The following CCT2 variants were observed in gnomAD, a reference collection of about 807,000 sequenced individuals.
CCT2 encodes chaperonin containing TCP1 subunit 2.
CCT2 carries 18 observed loss-of-function variants against 61.8 expected under a neutral mutation model. That is an observed-to-expected ratio of 0.29 (90% confidence interval 0.20 to 0.43). CCT2 has a LOEUF of 0.43. Ranked by LOEUF, CCT2 falls within the 20% of genes least tolerant of loss-of-function variation. The probability of loss-of-function intolerance (pLI) is 1.00; values close to 1 mark genes in which losing one functional copy is unlikely to be tolerated. For missense variants in CCT2, 556 were observed against 656.9 expected (o/e 0.85, Z 1.68); for synonymous variants, 248 against 215.9 (o/e 1.15, Z -1.30).
In CCT2 at chr12:69,586,256, G is replaced by T; in HGVS notation, c.4-14G>T. 1 of 1,605,408 alleles carries T rather than the reference G, an allele frequency of 6.2e-7. No homozygotes were observed. The highest frequency in any genetic ancestry group is 8.5e-7 in the Non-Finnish European group (1 of 1,171,992). On this transcript the variant is annotated splice_polypyrimidine_tract_variant and intron_variant, in intron 1 of 15. Coordinates refer to ENST00000299300, the MANE Select transcript of CCT2 (RefSeq NM_006431.3). ...TGGTACTTAAACGGAATGCCTCTTG[G>T]TTTTCCTTTTCAGGCGTCCCTTTCC...
rs374310336 is a variant in CCT2, at chr12:69,598,087, T to C, written c.1335+16T>C. Reference sequence around the variant, plus strand: ...ACTGAGAATGGTAAGTTAATCAAAATGAGAGATCCGAACTTAAGTTTTGTG... The same window carrying C: ...ACTGAGAATGGTAAGTTAATCAAAACGAGAGATCCGAACTTAAGTTTTGTG... On this transcript the variant is annotated intron_variant, in intron 13 of 15. Transcript: ENST00000299300. 1.7e-5 allele frequency: 27 copies of C among 1,561,568 alleles called. No individual in the cohort carries two copies. In the African/African-American group the frequency reaches 3.3e-4, roughly 19 times the overall value.
At position 69,601,216 on chromosome 12, in the gene CCT2, GTGTT is replaced by G. The variant is rs1217891184; in HGVS notation, c.1578-75_1578-72del. On this transcript the variant is annotated intron_variant, in intron 15 of 15. Transcript: ENST00000299300. The stretch of plus-strand genomic sequence containing the variant: ...ACAGTTTTAATACAGGATTCTAGTT[GTGTT>G]TGTATTTAGTATAATACTTTGGATA... 8.8e-6 allele frequency: 10 copies of G among 1,131,018 alleles called. No homozygotes were observed. The Admixed American group carries it at 9.3e-5, about 10-fold the overall frequency. 70.1% of individuals were successfully genotyped at this position (1,131,018 alleles called of 1,614,324 possible). A position where few individuals can be genotyped will look rare whatever the true frequency, so the allele number is the denominator to read the frequency against.
chr12:69,592,258 C>T, intron 8 of CCT2, 99 bp downstream of exon 8: 1 of 615,250 alleles, frequency 1.6e-6, no homozygotes, highest in Non-Finnish European at 2.9e-6. Context: ...GGTGGATCAT[C>T]TGAGATCAGA....
chr12:69,599,822 T>G (rs370467410), intron 14 of CCT2, 41 bp from the exon 15 acceptor site: 1 of 1,539,242 alleles, frequency 6.5e-7, no homozygotes, highest in African/African-American at 1.4e-5. Context: ...TTTGATACTT[T>G]AGTTAAAACT....
chr12:69,597,902 G>A, intron 12 of CCT2, 66 bp from the exon 13 acceptor site: 1 of 1,458,344 alleles, frequency 6.9e-7, no homozygotes, highest in East Asian at 2.3e-5. Flanking sequence ...ATATCTTAAA[G>A]TCAGTAATTC....
intron 15 of CCT2, among the ~76,000 whole-genome samples, chr12:69,600,591 CT>C (rs3837481): frequency 0.71 from 107,894 of 151,598 alleles, 38,735 homozygotes; most frequent in East Asian, 0.91. Context: ...CTCCAGAAGA[CT>C]TTTTTTTTCA....
chr12:69,589,276 A>G (rs987628727), intron 6 of CCT2: 3 of 514,402 alleles, frequency 5.8e-6, no homozygotes, highest in African/African-American at 7.7e-5. Flanking sequence ...TGTGGCCCCC[A>G]CCCCTCTTTT....
intron 1 of CCT2, chr12:69,586,035 G>A: frequency 7.2e-7 from 1 of 1,386,856 alleles, no homozygotes. Flanking sequence ...TCTCGCTGGT[G>A]TATAATTTAT....
At chr12:69,600,989 C>T (rs1882130948) in intron 15 of CCT2, among the ~76,000 whole-genome samples, 1 of 152,132 alleles carries the variant, frequency 6.6e-6, no homozygotes, top group Non-Finnish European at 1.5e-5. Context: ...CAGGGCATCA[C>T]ACAGAGGAGG....
At chr12:69,597,333 A>AGT in intron 11 of CCT2, 58 bp downstream of exon 11, 1 of 1,592,522 alleles carries the variant, frequency 6.3e-7, no homozygotes, top group Non-Finnish European at 8.6e-7. Flanking sequence ...GCTCTGTTGA[A>AGT]GTAAAGGTTA....
chr12:69,588,483 C>G (rs12313564), intron 6 of CCT2: 1 of 498,434 alleles, frequency 2.0e-6, no homozygotes, highest in East Asian at 3.5e-5. Flanking sequence ...ACAAATAAAG[C>G]AAATAGTATA....
chr12:69,587,682 T>C (rs1881706254), intron 4 of CCT2, 66 bp downstream of exon 4: 2 of 1,034,310 alleles, frequency 1.9e-6, no homozygotes, highest in East Asian at 2.5e-5. Flanking sequence ...GAAATAACTT[T>C]ATAAATAGGC....
rs1453520544 is a variant in CCT2 at position 69,601,275 on chromosome 12, CTT to C, written c.1578-15_1578-14del. The C allele has an allele frequency of 3.2e-6, 5 of 1,581,466 alleles. No homozygotes were observed. Among genetic ancestry groups the C allele is most frequent in the Admixed American group, 1.9e-5 (1 of 51,652 alleles). ...CATGCTCTTCATTTTTCACTATTGA[CTT>C]TTTTCTTACTCTCATAGGAAACGTG... On this transcript the variant is annotated intron_variant, in intron 15 of 15. Transcript: ENST00000299300.
intron 9 of CCT2, 144 bp from the exon 10 acceptor site, chr12:69,593,366 T>C (rs945601737): frequency 1.6e-6 from 1 of 635,568 alleles, no homozygotes; most frequent in Non-Finnish European, 2.7e-6. Context: ...GTTGATAAAC[T>C]CTAATTATAT....
intron 10 of CCT2, 108 bp downstream of exon 10, chr12:69,593,721 T>C: frequency 4.9e-6 from 3 of 614,572 alleles, no homozygotes; most frequent in East Asian, 2.8e-5. Context: ...TCAGCAGTTA[T>C]TCTGAAATCT....
intron 12 of CCT2, 63 bp downstream of exon 12, chr12:69,597,829 TG>T: frequency 6.7e-7 from 1 of 1,482,384 alleles, no homozygotes; most frequent in Non-Finnish European, 9.3e-7. Context: ...AAGTCATAAG[TG>T]GTTTTAATGG....
At chr12:69,586,950 A>G in intron 3 of CCT2, 132 bp downstream of exon 3, 1 of 559,666 alleles carries the variant, frequency 1.8e-6, no homozygotes. Context: ...TGTTCTCCTT[A>G]GTAAAAATCA....
intron 14 of CCT2, chr12:69,599,634 G>T (rs1388045818): frequency 1.1e-5 from 3 of 261,682 alleles, no homozygotes; most frequent in East Asian, 1.4e-4. Context: ...TGATCTACCT[G>T]CCTCAGCCTC....
chr12:69,593,637 C>T, intron 10 of CCT2, 24 bp downstream of exon 10: 1 of 1,354,570 alleles, frequency 7.4e-7, no homozygotes. Context: ...GTATTGTTTT[C>T]TAACAAACAC....
Sources: allele counts gnomAD v4.1 joint callset (sites outside exome capture counted in the v4.1 genomes callset), GRCh38; gene constraint gnomAD v4.1.1; transcripts MANE v1.5; gene names NCBI Gene and HGNC (gene_info 2026-07-23, HGNC 2026-07-21).